The following SLC14A1 variants were observed in gnomAD, a reference collection of about 807,000 sequenced individuals.
The protein encoded by SLC14A1 is solute carrier family 14 member 1 (Kidd blood group).
SLC14A1 carries 36 observed loss-of-function variants against 39.6 expected under a neutral mutation model. That is an observed-to-expected ratio of 0.91 (90% CI 0.70 to 1.20). The LOEUF is 1.20. Ranked by LOEUF, SLC14A1 falls within the 50% of genes most tolerant of loss-of-function variation. The pLI is 0.00. For synonymous variants in SLC14A1, 164 were observed against 173.6 expected, an observed-to-expected ratio of 0.94 and a Z score of 0.43; for missense variants, 469 against 478.7, an observed-to-expected ratio of 0.98 and a Z score of 0.19.
At chr18:45,739,926 A>G (rs1032437488) in intron 8 of SLC14A1, 3 of 525,202 alleles carry the variant, frequency 5.7e-6, no homozygotes, top group Non-Finnish European at 1.0e-5. Context: ...GGGAGGATAG[A>G]AAAAGAAAAA....
chr18:45,748,539 G>A (rs2144861637), intron 9 of SLC14A1, 114 bp downstream of exon 9: 2 of 1,031,448 alleles, frequency 1.9e-6, no homozygotes, highest in African/African-American at 1.6e-5. Flanking sequence ...CCATGACCAT[G>A]AGAAGCACTG....
At chr18:45,727,085 G>A in intron 2 of SLC14A1, 1 of 577,596 alleles carries the variant, frequency 1.7e-6, no homozygotes. Flanking sequence ...GAGCTCTTTG[G>A]TGAAGGCAAA....
At chr18:45,725,154 T>G (rs2046829989) in intron 2 of SLC14A1, 141 bp downstream of exon 2, 1 of 152,228 alleles carries the variant, frequency 6.6e-6, no homozygotes, top group African/African-American at 2.4e-5. Context: ...AATTGAAGAC[T>G]TCAGGTCTCT....
intron 8 of SLC14A1, among the ~76,000 whole-genome samples, chr18:45,743,269 T>C (rs567900072): frequency 6.6e-6 from 1 of 152,320 alleles, no homozygotes; most frequent in Non-Finnish European, 1.5e-5. Context: ...CATCTCAAGG[T>C]CTTTAACTTA....
At chr18:45,727,270 G>A in intron 2 of SLC14A1, 1 of 1,551,662 alleles carries the variant, frequency 6.4e-7, no homozygotes, top group Non-Finnish European at 8.7e-7. Context: ...GAAAAAGTAA[G>A]GATGAATGGA....
intron 8 of SLC14A1, among the ~76,000 whole-genome samples, chr18:45,745,845 C>T (rs1465889979): frequency 6.6e-6 from 1 of 152,170 alleles, no homozygotes; most frequent in Admixed American, 6.5e-5. Context: ...GATCTCCAGC[C>T]CCCCTTGGAA....
At chr18:45,747,416 C>T (rs565791335) in intron 8 of SLC14A1, among the ~76,000 whole-genome samples, 9 of 152,184 alleles carry the variant, frequency 5.9e-5, no homozygotes, top group East Asian at 1.9e-4. Context: ...TGGCTGGGCG[C>T]GGTGGCTCAT....
rs201451018 is a variant in SLC14A1, at chr18:45,739,269, G to T, written c.770G>T (p.Cys257Phe). ...ATCCTACTCTCCTCCCCACTCATGT[G>T]CCTGCATGCTGCCATAGGATCATTG... ...GAILLSSPLM[C>F]LHAAIGSLLG... Residue 257 changes from cysteine to phenylalanine, a missense_variant, in exon 7 of 10, where the codon TGC becomes TTC. Coordinates refer to ENST00000321925, the MANE Select transcript of SLC14A1 (RefSeq NM_015865.7). 6.9e-5 allele frequency: 112 copies of T among 1,614,042 alleles called. 1 individual carries two copies. The highest frequency in any genetic ancestry group is 2.8e-4 in the Admixed American group (17 of 60,004).
chr18:45,750,478 A>C lies in SLC14A1; in HGVS notation c.*527A>C. On this transcript the variant is annotated 3_prime_UTR_variant, in exon 10 of 10. Coordinates refer to ENST00000321925, the MANE Select transcript of SLC14A1 (RefSeq NM_015865.7). ...TCACAGAGGTGCAAGCTGACAGCAGAGCTCAGTCCCCACTTCCTGCAAACA... is the reference window on the plus strand; with the variant it reads ...TCACAGAGGTGCAAGCTGACAGCAGCGCTCAGTCCCCACTTCCTGCAAACA... 9.7e-7 allele frequency: 1 copy of C among 1,032,902 alleles called. No homozygotes were observed. The highest frequency in any genetic ancestry group is 1.2e-6 in the Non-Finnish European group (1 of 859,228). 64.0% of individuals were successfully genotyped at this position (1,032,902 alleles called of 1,614,324 possible). A position where few individuals can be genotyped will look rare whatever the true frequency, so the allele number is the denominator to read the frequency against.
chr18:45,740,070 A>G (rs1163475540), intron 8 of SLC14A1, among the ~76,000 whole-genome samples: 1 of 152,190 alleles, frequency 6.6e-6, no homozygotes, highest in Non-Finnish European at 1.5e-5. Context: ...TTGGCCACCA[A>G]TAAGCTCCTA....
intron 2 of SLC14A1, chr18:45,726,962 A>G: frequency 3.7e-6 from 1 of 272,988 alleles, no homozygotes; most frequent in Non-Finnish European, 7.3e-6. Context: ...CACGCAGCAG[A>G]ACAAAATCTG....
intron 2 of SLC14A1, among the ~76,000 whole-genome samples, chr18:45,727,594 CA>C (rs2046909542): frequency 6.6e-6 from 1 of 152,196 alleles, no homozygotes; most frequent in African/African-American, 2.4e-5. Context: ...GAGGCTAGAC[CA>C]TTGAGCTGAG....
chr18:45,729,583 C>G (rs1475037227), intron 2 of SLC14A1: 1 of 152,138 alleles, frequency 6.6e-6, no homozygotes, highest in African/African-American at 2.4e-5. Flanking sequence ...TTGTCCAATT[C>G]CATCTTTCCC....
chr18:45,742,995 G>C (rs766577620), intron 8 of SLC14A1, among the ~76,000 whole-genome samples: 1 of 152,210 alleles, frequency 6.6e-6, no homozygotes, highest in African/African-American at 2.4e-5. Context: ...TAGTGATGAG[G>C]TTTTGACAGA....
chr18:45,748,568 C>A (rs928714061), intron 9 of SLC14A1, 143 bp downstream of exon 9: 4 of 833,558 alleles, frequency 4.8e-6, no homozygotes, highest in Admixed American at 3.7e-5. Flanking sequence ...TCTCCTGGAG[C>A]TCCCTGGCCT....
At position 45,732,589 on chromosome 18, in the gene SLC14A1, C is replaced by T. The variant is rs1471573653; in HGVS notation, c.341+1385C>T. The stretch of plus-strand genomic sequence containing the variant: ...TGCCTGTTGCAATGGTGCCTCCTGG[C>T]CCAGTTAGAAACAAGCCAAGAAGCA... On this transcript the variant is annotated intron_variant, in intron 4 of 9. Coordinates refer to ENST00000321925, the MANE Select transcript of SLC14A1 (RefSeq NM_015865.7). Among the ~76,000 whole-genome samples the T allele has an allele frequency of 3.3e-5, 5 of 152,084 alleles. No individual in the cohort carries two copies. In the East Asian group the frequency reaches 9.6e-4, roughly 29 times the overall value.
In SLC14A1 at chr18:45,750,675, T is replaced by G; in HGVS notation, c.*724T>G. ...GGATTTTTTAGGTAGAGATTATTTT[T>G]CCTTATGAAAAATGATCTGTTTTAA... On this transcript the variant is annotated 3_prime_UTR_variant, in exon 10 of 10. Coordinates refer to ENST00000321925, the MANE Select transcript of SLC14A1 (RefSeq NM_015865.7). The G allele has an allele frequency of 1.0e-6, 1 of 985,618 alleles. No individual in the cohort carries two copies. The highest frequency in any genetic ancestry group is 1.2e-6 in the Non-Finnish European group (1 of 830,056). 61.1% of individuals were successfully genotyped at this position (985,618 alleles called of 1,614,324 possible).
rs186478726 is a variant in SLC14A1, at chr18:45,732,925, A to G, written c.342-1349A>G. 2.2e-3 allele frequency among the ~76,000 whole-genome samples: 335 copies of G among 152,342 alleles called. 2 individuals are homozygous for G. The highest frequency in any genetic ancestry group is 6.3e-3 in the African/African-American group (262 of 41,570). The stretch of plus-strand genomic sequence containing the variant: ...AACACGAACTACTACATAGCCATAA[A>G]AAGGATTGAAATCAAGTCCTTTGCA... On this transcript the variant is annotated intron_variant, in intron 4 of 9. Transcript: ENST00000321925.
chr18:45,739,594 C>A lies in SLC14A1; in HGVS notation c.878C>A (p.Ala293Asp), dbSNP rs1220587826. The change falls in exon 8 of 10, where the codon GCC becomes GAC. Residue 293 changes from alanine to aspartate, a missense_variant. By Grantham distance (126) the Ala-to-Asp change is moderately radical. Transcript: ENST00000321925. Reference protein sequence around the residue: ...FGLWGFNSSLACIAMGGMFMA... With the variant: ...FGLWGFNSSLDCIAMGGMFMA... ...CTCTGGGGTTTCAACAGCTCTCTGG[C>A]CTGCATTGCAATGGGAGGAATGTTC... is the stretch of plus-strand genomic sequence containing the variant. 6.2e-7 allele frequency: 1 copy of A among 1,614,050 alleles called. No individual in the cohort carries two copies.
Sources: allele counts gnomAD v4.1 joint callset (sites outside exome capture counted in the v4.1 genomes callset), GRCh38; gene constraint gnomAD v4.1.1; transcripts MANE v1.5; gene names NCBI Gene and HGNC (gene_info 2026-07-23, HGNC 2026-07-21).